Variants in ESR2 observed in about 807,000 individuals in gnomAD.
ESR2 encodes estrogen receptor 2.
Under a neutral mutation model 49.6 loss-of-function variants are expected in ESR2, and 36 were observed. That is an observed-to-expected ratio of 0.73 (90% CI 0.56 to 0.96). The LOEUF is 0.96. Among genes scored for constraint, ESR2 ranks in the 40% least tolerant of loss-of-function variants. ESR2 has a pLI of 0.00. For synonymous variants in ESR2, 320 were observed against 266.1 expected (o/e 1.20, Z -1.97); for missense variants, 714 against 693.0 (o/e 1.03, Z -0.34).
At chr14:64,263,811 G>A (rs1433211909) in intron 4 of ESR2, among the ~76,000 whole-genome samples, 1 of 152,120 alleles carries the variant, frequency 6.6e-6, no homozygotes, top group Non-Finnish European at 1.5e-5. Flanking sequence ...AAGTCAGAAT[G>A]CAGAATATTT....
intron 1 of ESR2, among the ~76,000 whole-genome samples, chr14:64,291,018 G>A (rs1457512149): frequency 6.6e-6 from 1 of 152,162 alleles, no homozygotes; most frequent in African/African-American, 2.4e-5. Flanking sequence ...TCTCTCAACA[G>A]CAAGTTTCTG....
intron 1 of ESR2, among the ~76,000 whole-genome samples, chr14:64,304,906 T>TA (rs1339664529): frequency 6.6e-6 from 1 of 151,628 alleles, no homozygotes; most frequent in Non-Finnish European, 1.5e-5. Flanking sequence ...AATAAATAAA[T>TA]AAAGTATTAA....
chr14:64,291,045 A>G (rs1322318468), intron 1 of ESR2, among the ~76,000 whole-genome samples: 1 of 152,300 alleles, frequency 6.6e-6, no homozygotes. Flanking sequence ...CCTAACACCA[A>G]CAACAGCCAC....
intron 1 of ESR2, 38 bp from the exon 2 acceptor site, chr14:64,283,113 T>C: frequency 1.2e-6 from 1 of 853,168 alleles, no homozygotes; most frequent in South Asian, 2.1e-5. Flanking sequence ...AAGTTAGAGC[T>C]ACAGCTGTTA....
intron 3 of ESR2, among the ~76,000 whole-genome samples, chr14:64,271,551 C>A (rs1890444508): frequency 6.6e-6 from 1 of 152,220 alleles, no homozygotes; most frequent in Non-Finnish European, 1.5e-5. Context: ...GTCTCGAACT[C>A]CTGAGCTCAG....
chr14:64,288,970 GA>G (rs1307366327), intron 1 of ESR2, among the ~76,000 whole-genome samples: 2 of 130,072 alleles, frequency 1.5e-5, no homozygotes, highest in Non-Finnish European at 3.1e-5. Flanking sequence ...TAGGTGACAA[GA>G]GCAAAACTCT....
chr14:64,277,354 G>A (rs767293183), intron 3 of ESR2, among the ~76,000 whole-genome samples: 2 of 152,012 alleles, frequency 1.3e-5, no homozygotes, highest in East Asian at 1.9e-4. Context: ...GGCCAGGTGC[G>A]GTGGCTCACA....
At chr14:64,331,683 G>A (rs972737748) in intron 1 of ESR2, among the ~76,000 whole-genome samples, 4 of 151,812 alleles carry the variant, frequency 2.6e-5, no homozygotes, top group Admixed American at 1.3e-4. Flanking sequence ...GAAATTAGCC[G>A]AGCGTGGTGG....
rs1326690294 is a variant in ESR2 at position 64,282,711 on chromosome 14, T to C, written c.275A>G (p.His92Arg). ...CGCATACAGATGTGATAACTGGCGA[T>C]GGACCACTAAAGGAGAAAGGTGCCC... is the stretch of plus-strand genomic sequence containing the variant. ...TPGHLSPLVV[H>R]RQLSHLYAEP... The change falls in exon 2 of 9, where the codon CAT becomes CGT. Residue 92 changes from histidine (H) to arginine (R), a missense_variant. Coordinates refer to ENST00000341099, the MANE Select transcript of ESR2 (RefSeq NM_001437.3). The C allele has an allele frequency of 5.6e-6, 9 of 1,614,214 alleles. No individual in the cohort carries two copies. Among genetic ancestry groups the C allele is most frequent in the Non-Finnish European group, 7.6e-6 (9 of 1,180,012 alleles).
intron 1 of ESR2, among the ~76,000 whole-genome samples, chr14:64,287,278 G>C (rs187653744): frequency 1.3e-4 from 20 of 152,152 alleles, no homozygotes; most frequent in Non-Finnish European, 2.4e-4. Context: ...TGGGTACCCA[G>C]CAGTGGTGAA....
chr14:64,324,718 A>G (rs2077368231), intron 1 of ESR2, among the ~76,000 whole-genome samples: 1 of 152,224 alleles, frequency 6.6e-6, no homozygotes. Flanking sequence ...AAAGAAGGAA[A>G]TACTTCCTGA....
chr14:64,239,123 C>T (rs553628074), intron 7 of ESR2, among the ~76,000 whole-genome samples: 1 of 152,300 alleles, frequency 6.6e-6, no homozygotes, highest in South Asian at 2.1e-4. Context: ...AGGAAAGGAA[C>T]CTCTGGCCAT....
upstream of ESR2, among the ~76,000 whole-genome samples, chr14:64,295,546 AGGTTG>A (rs1194905130): frequency 6.6e-6 from 1 of 152,176 alleles, no homozygotes; most frequent in Non-Finnish European, 1.5e-5. Flanking sequence ...GGTTTCTCTC[AGGTTG>A]AAAGGCAGAG....
At position 64,317,444 on chromosome 14, in the gene ESR2, A is replaced by G. The variant is rs567631659; in HGVS notation, c.-91+20454T>C. Among the ~76,000 whole-genome samples, 14 of 152,304 alleles carry G rather than the reference A, an allele frequency of 9.2e-5. No individual in the cohort carries two copies. In the South Asian group the frequency reaches 2.9e-3, roughly 32 times the overall value. On this transcript the variant is annotated intron_variant, in intron 1 of 8. Transcript: ENST00000358599. ...AGGTGAAGGGGGAGCCCAGCACCTGACAGCATATCACATAACTAGAGCAGA... is the reference window on the plus strand; with the variant it reads ...AGGTGAAGGGGGAGCCCAGCACCTGGCAGCATATCACATAACTAGAGCAGA...
intron 1 of ESR2, chr14:64,303,571 C>G (rs532411612): frequency 4.6e-5 from 7 of 152,246 alleles, no homozygotes; most frequent in Non-Finnish European, 5.9e-5. Flanking sequence ...GGCTCAAATT[C>G]TAACAAGGAT....
intron 4 of ESR2, 51 bp from the exon 5 acceptor site, chr14:64,260,799 A>C (rs552612788): frequency 4.4e-5 from 62 of 1,412,564 alleles, no homozygotes; most frequent in Middle Eastern, 2.6e-4. Flanking sequence ...ACCGCAGTCA[A>C]GCAAAAGCAG....
At chr14:64,266,446 C>G (rs1173032910) in intron 4 of ESR2, among the ~76,000 whole-genome samples, 1 of 152,226 alleles carries the variant, frequency 6.6e-6, no homozygotes, top group Non-Finnish European at 1.5e-5. Context: ...AACCTCCATG[C>G]TCTTCCCTGC....
At position 64,228,792 on chromosome 14, in the gene ESR2, A is replaced by G. The variant is rs567017333; in HGVS notation, c.*4345T>C. ...AAGTGAATAGGATCCTCGGAATTAAAAAACAAACAAACAAACAAACAAAAA... is the reference window on the plus strand; with the variant it reads ...AAGTGAATAGGATCCTCGGAATTAAGAAACAAACAAACAAACAAACAAAAA... On this transcript the variant is annotated 3_prime_UTR_variant, in exon 9 of 9. Transcript: ENST00000341099. Among the ~76,000 whole-genome samples the G allele has an allele frequency of 6.6e-6, 1 of 152,192 alleles. No homozygotes were observed. Among genetic ancestry groups the G allele is most frequent in the East Asian group, 1.9e-4 (1 of 5,200 alleles).
chr14:64,297,745 A>C (rs555418550), upstream of ESR2: 1 of 152,342 alleles, frequency 6.6e-6, no homozygotes, highest in East Asian at 1.9e-4. Flanking sequence ...AGCAAAAGCT[A>C]ATAGGAAAAG....
Sources: gnomAD v4.1 joint callset for allele counts (sites outside exome capture counted in the v4.1 genomes callset) on GRCh38, gnomAD v4.1.1 for gene constraint, MANE v1.5 for transcripts, NCBI Gene and HGNC (gene_info 2026-07-23, HGNC 2026-07-21) for gene names.